Variants in CTTN observed in about 807,000 individuals in gnomAD.
The protein encoded by CTTN is cortactin.
In CTTN, 28 loss-of-function variants were observed where a neutral mutation model predicts 84.0. The ratio of observed to expected loss-of-function variants is 0.33; its 90% CI spans 0.25 to 0.46. The LOEUF (loss-of-function observed/expected upper bound fraction) is 0.46, where lower values mean the gene tolerates loss of function less well. CTTN is among the 20% of genes least tolerant of loss of function. CTTN has a pLI of 1.00. For synonymous variants in CTTN, 301 were observed against 288.8 expected, an observed-to-expected ratio of 1.04 and a Z score of -0.43; for missense variants, 641 against 723.8, an observed-to-expected ratio of 0.89 and a Z score of 1.31.
intron 12 of CTTN, among the ~76,000 whole-genome samples, chr11:70,424,708 G>A (rs936023073): frequency 6.6e-6 from 1 of 151,998 alleles, no homozygotes; most frequent in Non-Finnish European, 1.5e-5. Flanking sequence ...GGACAGGCGG[G>A]CCAGGAAGGG....
At chr11:70,403,748 C>T (rs2058013088) in intron 1 of CTTN, among the ~76,000 whole-genome samples, 1 of 152,066 alleles carries the variant, frequency 6.6e-6, no homozygotes, top group African/African-American at 2.4e-5. Context: ...ATCTTTGGAT[C>T]CACAAAACAA....
At chr11:70,413,486 A>G (rs143929824) in intron 5 of CTTN, among the ~76,000 whole-genome samples, 1 of 152,316 alleles carries the variant, frequency 6.6e-6, no homozygotes, top group Admixed American at 6.5e-5. Flanking sequence ...GAACTGCCGA[A>G]CGGAGTTGCT....
At chr11:70,428,666 G>T (rs2058323856) in intron 13 of CTTN, among the ~76,000 whole-genome samples, 1 of 152,152 alleles carries the variant, frequency 6.6e-6, no homozygotes, top group Non-Finnish European at 1.5e-5. Context: ...CTCTGGTTGA[G>T]ATTTACTATA....
At chr11:70,423,480 C>T (rs1565496464) in intron 12 of CTTN, among the ~76,000 whole-genome samples, 2 of 152,226 alleles carry the variant, frequency 1.3e-5, no homozygotes, top group African/African-American at 4.8e-5. Context: ...GGCCTGTGGT[C>T]AGGGGTGGCA....
chr11:70,414,150 C>T (rs183636684), intron 5 of CTTN, among the ~76,000 whole-genome samples: 63 of 152,214 alleles, frequency 4.1e-4, no homozygotes, highest in African/African-American at 1.5e-3. Context: ...TGGAGACCAT[C>T]CTGGCTAACA....
Position 70,420,413 on chromosome 11 carries a change from GTT to G in CTTN, c.695_696del (p.Phe232TrpfsTer28). 11 of 1,614,054 alleles carry G rather than the reference GTT, an allele frequency of 6.8e-6. No individual in the cohort carries two copies. The highest frequency in any genetic ancestry group is 9.3e-6 in the Non-Finnish European group (11 of 1,179,872). On this transcript the variant is annotated frameshift_variant, in exon 10 of 18. Transcript: ENST00000301843. LOFTEE classifies it high-confidence loss of function. ...HESQKDYVKG[F>X]GGKFGVQTDR... is the part of the protein sequence containing the mutation. Reference sequence around the variant, plus strand: ...TTGTGCATGTAGACTATGTGAAAGGGTTTGGAGGAAAATTTGGTGTGCAGACA... The same window carrying G: ...TTGTGCATGTAGACTATGTGAAAGGGTGGAGGAAAATTTGGTGTGCAGACA...
chr11:70,424,998 C>T (rs1488605451), intron 12 of CTTN, among the ~76,000 whole-genome samples: 8 of 152,106 alleles, frequency 5.3e-5, no homozygotes, highest in Non-Finnish European at 7.4e-5. Flanking sequence ...GTGTCCCCAG[C>T]GTCTTCGCTT....
chr11:70,425,288 A>C, intron 12 of CTTN, 44 bp from the exon 13 acceptor site: 1 of 1,527,194 alleles, frequency 6.5e-7, no homozygotes, highest in Non-Finnish European at 9.0e-7. Context: ...GGCATGGAGA[A>C]AAGAGAAAAG....
chr11:70,435,253 G>GTTTTTTTTTTTTTTTTTTT lies in CTTN; in HGVS notation c.*98_*116dup. 8 of 936,818 alleles carry GTTTTTTTTTTTTTTTTTTT rather than the reference G, an allele frequency of 8.5e-6. No homozygotes were observed. The highest frequency in any genetic ancestry group is 2.7e-5 in the South Asian group (1 of 37,282). The allele number at this position is 936,818 out of a possible 1,614,324, so 58.0% of individuals were successfully genotyped here. ...TCTTGGGTGGTTTTGGGTTTTTTCT[G>GTTTTTTTTTTTTTTTTTTT]TTTTTTTTTTTTTTTTTTTTTTTTT... On this transcript the variant is annotated 3_prime_UTR_variant, in exon 18 of 18. Transcript: ENST00000301843.
rs139313464 is a variant in CTTN at position 70,417,053 on chromosome 11, C to T, written c.498C>T (p.Ala166=). Residue 166 remains alanine, a synonymous_variant, in exon 8 of 18, where the codon GCC becomes GCT. Coordinates refer to ENST00000301843, the MANE Select transcript of CTTN (RefSeq NM_005231.4). ...SGFGGKYGVQ[A]DRVDKSAVGF... is the part of the protein sequence containing the mutation. ...TTGGCGGCAAGTATGGCGTGCAGGC[C>T]GACCGAGTAGACAAGAGCGCGGTGG... 9.7e-4 allele frequency: 1,566 copies of T among 1,614,178 alleles called. 16 individuals are homozygous for T. The East Asian group carries it at 0.019, about 20-fold the overall frequency.
At chr11:70,411,004 T>C (rs146701603) in intron 5 of CTTN, among the ~76,000 whole-genome samples, 61 of 151,424 alleles carry the variant, frequency 4.0e-4, no homozygotes, top group African/African-American at 1.4e-3. Flanking sequence ...AGGAGTGGGG[T>C]GAGGGACCTT....
chr11:70,400,656 G>C (rs193236039), intron 1 of CTTN, among the ~76,000 whole-genome samples: 1 of 152,278 alleles, frequency 6.6e-6, no homozygotes, highest in African/African-American at 2.4e-5. Context: ...ACACATAATC[G>C]GCAATTCAGA....
At chr11:70,403,526 C>T (rs1042855219) in intron 1 of CTTN, among the ~76,000 whole-genome samples, 2 of 152,108 alleles carry the variant, frequency 1.3e-5, no homozygotes, top group African/African-American at 4.8e-5. Flanking sequence ...GTTCAAAATA[C>T]TTTTCTCTCA....
intron 15 of CTTN, 42 bp downstream of exon 15, chr11:70,431,322 G>T: frequency 1.3e-6 from 2 of 1,593,128 alleles, no homozygotes; most frequent in Non-Finnish European, 1.7e-6. Flanking sequence ...GTGACTTACT[G>T]CCAGAGCCCA....
intron 14 of CTTN, 97 bp downstream of exon 14, chr11:70,429,296 G>A (rs964226962): frequency 5.7e-5 from 81 of 1,409,848 alleles, no homozygotes; most frequent in Admixed American, 1.1e-4. Flanking sequence ...TTCTCTCCTG[G>A]CCAGGTTTTC....
intron 12 of CTTN, among the ~76,000 whole-genome samples, chr11:70,424,702 A>T (rs2058281273): frequency 6.6e-6 from 1 of 151,986 alleles, no homozygotes; most frequent in Non-Finnish European, 1.5e-5. Context: ...GAGGAAGGAC[A>T]GGCGGGCCAG....
chr11:70,422,698 G>C lies in CTTN; in HGVS notation c.902-242G>C, dbSNP rs932597899. The C allele has an allele frequency of 2.1e-6, 3 of 1,436,544 alleles. No homozygotes were observed. The African/African-American group carries it at 4.3e-5, about 20-fold the overall frequency. The allele number at this position is 1,436,544 out of a possible 1,614,324, so 89.0% of individuals were successfully genotyped here. ...GCCCGCCGCCCCTCCTGCCCCTCCTGCCCCTCAGGGAATGCTGAAGCCTCT... is the reference window on the plus strand; with the variant it reads ...GCCCGCCGCCCCTCCTGCCCCTCCTCCCCCTCAGGGAATGCTGAAGCCTCT... On this transcript the variant is annotated intron_variant, in intron 11 of 17. Transcript: ENST00000301843.
chr11:70,411,476 C>T (rs1483795307), intron 5 of CTTN, among the ~76,000 whole-genome samples: 1 of 152,172 alleles, frequency 6.6e-6, no homozygotes, highest in Non-Finnish European at 1.5e-5. Flanking sequence ...GTGCAGTGAA[C>T]GAAGCAAGTA....
At chr11:70,405,632 A>G (rs1301569651) in intron 2 of CTTN, among the ~76,000 whole-genome samples, 2 of 150,492 alleles carry the variant, frequency 1.3e-5, no homozygotes, top group Non-Finnish European at 3.0e-5. Context: ...TCCCCACCCC[A>G]TGAACATGGG....
Sources: gnomAD v4.1 joint callset for allele counts (sites outside exome capture counted in the v4.1 genomes callset) on GRCh38, gnomAD v4.1.1 for gene constraint, MANE v1.5 for transcripts, NCBI Gene and HGNC (gene_info 2026-07-23, HGNC 2026-07-21) for gene names.